The following FOXP1 variants were observed in gnomAD, a reference collection of about 807,000 sequenced individuals.
The protein encoded by FOXP1 is forkhead box P1, also known as forkhead box protein P1.
FOXP1 carries 15 observed loss-of-function variants against 98.2 expected under a neutral mutation model. The observed-to-expected ratio is 0.15, with a 90% CI of 0.10 to 0.24. The LOEUF (loss-of-function observed/expected upper bound fraction) is 0.24. Among genes scored for constraint, FOXP1 ranks in the 10% least tolerant of loss-of-function variants. The probability of loss-of-function intolerance (pLI) is 1.00; values close to 1 mark genes in which losing one functional copy is unlikely to be tolerated. For missense variants in FOXP1, 633 were observed against 848.5 expected (o/e 0.75, Z 3.15); for synonymous variants, 371 against 314.5 (o/e 1.18, Z -1.90).
At chr3:71,071,949 G>A (rs968612309) in intron 7 of FOXP1, among the ~76,000 whole-genome samples, 2 of 152,128 alleles carry the variant, frequency 1.3e-5, no homozygotes, top group Non-Finnish European at 1.5e-5. Flanking sequence ...CACCTATCAT[G>A]TACCAAGTGC....
chr3:71,563,332 G>A (rs955793490), intron 2 of FOXP1, among the ~76,000 whole-genome samples: 5 of 152,108 alleles, frequency 3.3e-5, no homozygotes, highest in Non-Finnish European at 7.4e-5. Context: ...GGCACATGGA[G>A]AGGCCCCCTA....
chr3:71,521,745 T>C (rs2043007262), intron 2 of FOXP1, among the ~76,000 whole-genome samples: 1 of 152,220 alleles, frequency 6.6e-6, no homozygotes, highest in African/African-American at 2.4e-5. Flanking sequence ...CTTTGGAAGA[T>C]ATGAGGAGAG....
intron 11 of FOXP1, among the ~76,000 whole-genome samples, chr3:71,035,984 GA>G (rs201564361): frequency 6.7e-6 from 1 of 149,890 alleles, no homozygotes; most frequent in Non-Finnish European, 1.5e-5. Context: ...GTTTAAAAAA[GA>G]AAAAAAAATG....
At chr3:71,061,953 G>A (rs1413687204) in intron 7 of FOXP1, among the ~76,000 whole-genome samples, 2 of 152,140 alleles carry the variant, frequency 1.3e-5, no homozygotes, top group Non-Finnish European at 2.9e-5. Context: ...AGACAAACCT[G>A]AACTTTCATT....
intron 3 of FOXP1, among the ~76,000 whole-genome samples, chr3:71,473,505 T>C (rs1356307928): frequency 1.3e-5 from 2 of 152,162 alleles, no homozygotes; most frequent in African/African-American, 4.8e-5. Context: ...ATTTTGTGTA[T>C]AGCCTTCTCA....
At chr3:71,433,596 T>C (rs1210532643) in intron 3 of FOXP1, among the ~76,000 whole-genome samples, 1 of 152,152 alleles carries the variant, frequency 6.6e-6, no homozygotes, top group African/African-American at 2.4e-5. Context: ...AAAATCCACA[T>C]TAAAAACGTG....
At chr3:71,224,153 G>C (rs1297697659) in intron 5 of FOXP1, among the ~76,000 whole-genome samples, 1 of 152,190 alleles carries the variant, frequency 6.6e-6, no homozygotes, top group Non-Finnish European at 1.5e-5. Context: ...GAGGCTCAAG[G>C]GTGGTGGTCA....
chr3:71,020,506 C>G (rs569246279), intron 11 of FOXP1, among the ~76,000 whole-genome samples: 10 of 152,310 alleles, frequency 6.6e-5, no homozygotes, highest in African/African-American at 2.2e-4. Flanking sequence ...ACTGGAATTA[C>G]TAAATCCACC....
rs575416871 is a variant in FOXP1, at chr3:70,970,634, A to T, written c.1722+102T>A. The T allele has an allele frequency of 6.9e-6, 7 of 1,019,754 alleles. No individual in the cohort carries two copies. In the African/African-American group the frequency reaches 9.4e-5, roughly 14 times the overall value. 63.2% of individuals were successfully genotyped at this position (1,019,754 alleles called of 1,614,324 possible). The stretch of plus-strand genomic sequence containing the variant: ...TGCACTTAAGAAAAAAGTTTAACGG[A>T]ATTAAAATTTAATATCTAATTAGAG... On this transcript the variant is annotated intron_variant, in intron 19 of 20. Transcript: ENST00000649528.
chr3:71,247,437 G>A (rs1401747726), intron 5 of FOXP1, among the ~76,000 whole-genome samples: 1 of 152,186 alleles, frequency 6.6e-6, no homozygotes, highest in Non-Finnish European at 1.5e-5. Context: ...GCCATTGATT[G>A]TGGCTCAGAG....
intron 9 of FOXP1, among the ~76,000 whole-genome samples, 183 bp downstream of exon 9, chr3:71,052,351 GGCA>G (rs1206460467): frequency 1.3e-5 from 2 of 152,072 alleles, no homozygotes; most frequent in Non-Finnish European, 2.9e-5. Flanking sequence ...TAAAATATGT[GGCA>G]GCAAGCAAAT....
At chr3:71,156,186 G>T (rs2060814622) in intron 6 of FOXP1, among the ~76,000 whole-genome samples, 1 of 152,116 alleles carries the variant, frequency 6.6e-6, no homozygotes, top group Non-Finnish European at 1.5e-5. Context: ...TCCAGGGGGA[G>T]GGGGGGTGAA....
chr3:71,144,850 C>T (rs2060232480), intron 6 of FOXP1, among the ~76,000 whole-genome samples: 1 of 152,162 alleles, frequency 6.6e-6, no homozygotes, highest in African/African-American at 2.4e-5. Flanking sequence ...CTCCTCACCA[C>T]CCCTGGCCCC....
intron 11 of FOXP1, among the ~76,000 whole-genome samples, chr3:71,021,288 T>C (rs961174998): frequency 5.3e-5 from 8 of 152,232 alleles, no homozygotes; most frequent in Non-Finnish European, 1.0e-4. Context: ...AAGGGAATCA[T>C]ACAGTATATG....
intron 2 of FOXP1, among the ~76,000 whole-genome samples, chr3:71,547,969 C>G (rs1286273304): frequency 9.2e-5 from 14 of 152,324 alleles, no homozygotes. Flanking sequence ...AGCCCCAGGT[C>G]AGTACAAACA....
intron 3 of FOXP1, among the ~76,000 whole-genome samples, chr3:71,378,063 A>T (rs1286739290): frequency 2.0e-5 from 3 of 149,360 alleles, no homozygotes; most frequent in Non-Finnish European, 3.0e-5. Flanking sequence ...TTTCCAAATC[A>T]TATGCGAAAA....
intron 4 of FOXP1, among the ~76,000 whole-genome samples, chr3:71,312,890 C>A (rs1224100943): frequency 6.6e-6 from 1 of 151,944 alleles, no homozygotes; most frequent in East Asian, 1.9e-4. Context: ...ACTCAGGAGG[C>A]TGAGGTGGAA....
At chr3:71,466,662 G>A (rs902813846) in intron 3 of FOXP1, among the ~76,000 whole-genome samples, 4 of 152,110 alleles carry the variant, frequency 2.6e-5, no homozygotes, top group East Asian at 1.9e-4. Context: ...CAATGGAGGC[G>A]GAGTCTGATG....
rs559721030 is a variant in FOXP1 at position 71,315,529 on chromosome 3, C to T, written c.-72-15649G>A. On this transcript the variant is annotated intron_variant, in intron 4 of 20. Coordinates refer to ENST00000649528, the MANE Select transcript of FOXP1 (RefSeq NM_001349338.3). Reference sequence around the variant, plus strand: ...AGACTACTAAGTGGAAGGAATAAGGCATGGATGGGGAAAATCTTGAATGAG... The same window carrying T: ...AGACTACTAAGTGGAAGGAATAAGGTATGGATGGGGAAAATCTTGAATGAG... 2.0e-5 allele frequency among the ~76,000 whole-genome samples: 3 copies of T among 152,184 alleles called. No homozygotes were observed. The East Asian group carries it at 5.8e-4, about 29-fold the overall frequency.
Sources: allele counts gnomAD v4.1 joint callset (sites outside exome capture counted in the v4.1 genomes callset), GRCh38; gene constraint gnomAD v4.1.1; transcripts MANE v1.5; gene names NCBI Gene and HGNC (gene_info 2026-07-23, HGNC 2026-07-21).